PEAK1: variants seen among roughly 807,000 people sequenced by gnomAD.
PEAK1 encodes the protein inactive tyrosine-protein kinase PEAK1.
In PEAK1, 54 loss-of-function variants were observed where a neutral mutation model predicts 124.7. That is an observed-to-expected ratio of 0.43 (90% confidence interval 0.35 to 0.54). The LOEUF (loss-of-function observed/expected upper bound fraction) is 0.54. Ranked by LOEUF, PEAK1 falls within the 20% of genes least tolerant of loss-of-function variation. The pLI, the probability that PEAK1 is intolerant of heterozygous loss-of-function variation, is 0.01. For synonymous variants in PEAK1, 719 were observed against 760.0 expected, an observed-to-expected ratio of 0.95 and a Z score of 0.89; for missense variants, 2,046 against 2,134.5, an observed-to-expected ratio of 0.96 and a Z score of 0.82.
rs149110217 is a variant in PEAK1 at position 77,251,160 on chromosome 15, T to C, written c.-115+1207A>G. ...GAAATCCAATGATTAAGAGTTATAA[T>C]TGTTCACTAGGATTTCAAGTAAAAA... On this transcript the variant is annotated intron_variant, in intron 6 of 9. Coordinates refer to ENST00000682557, the MANE Select transcript of PEAK1 (RefSeq NM_001385026.1). 5.1e-3 allele frequency among the ~76,000 whole-genome samples: 782 copies of C among 152,338 alleles called. 5 individuals are homozygous for C. The highest frequency in any genetic ancestry group is 0.018 in the African/African-American group (733 of 41,574).
chr15:77,317,609 AACAG>A (rs1230409139), intron 2 of PEAK1, among the ~76,000 whole-genome samples: 2 of 152,186 alleles, frequency 1.3e-5, no homozygotes, highest in African/African-American at 4.8e-5. Context: ...GCTGGTTAAA[AACAG>A]ACAGAAGAAT....
At chr15:77,169,895 G>A (rs1194950517) in intron 7 of PEAK1, among the ~76,000 whole-genome samples, 1 of 152,144 alleles carries the variant, frequency 6.6e-6, no homozygotes, top group Non-Finnish European at 1.5e-5. Flanking sequence ...TGATGGAACA[G>A]ATTTGTAGGG....
chr15:77,165,469 C>A lies in PEAK1; in HGVS notation c.3138-6773G>T, dbSNP rs1475914568. 2.0e-5 allele frequency among the ~76,000 whole-genome samples: 3 copies of A among 152,140 alleles called. No individual in the cohort carries two copies. In the South Asian group the frequency reaches 6.2e-4, roughly 31 times the overall value. ...GCCTCAGCCACCCAAAGTACTTGGA[C>A]TACAGGAGTGAGCCACTGCGCCCGA... On this transcript the variant is annotated intron_variant, in intron 7 of 9. Coordinates refer to ENST00000682557, the MANE Select transcript of PEAK1 (RefSeq NM_001385026.1).
intron 6 of PEAK1, among the ~76,000 whole-genome samples, chr15:77,231,742 A>G (rs529456591): frequency 1.3e-5 from 2 of 152,304 alleles, no homozygotes; most frequent in South Asian, 4.1e-4. Context: ...TAACATATGG[A>G]GGTAGAATGC....
At chr15:77,350,262 C>T (rs983396579) in intron 2 of PEAK1, 1 of 985,262 alleles carries the variant, frequency 1.0e-6, no homozygotes, top group African/African-American at 1.7e-5. Flanking sequence ...ACCACTCACA[C>T]TAATTTCATA....
chr15:77,180,253 A>G lies in PEAK1; in HGVS notation c.1674T>C (p.Asn558=), dbSNP rs1596491823. The change falls in exon 7 of 10, where the codon AAT becomes AAC. Residue 558 remains asparagine (N), a synonymous_variant. Coordinates refer to ENST00000682557, the MANE Select transcript of PEAK1 (RefSeq NM_001385026.1). ...VELITSGTGP[N]VPPRKNCHKS... ...TGTGACAGTTTTTCCTTGGAGGAAC[A>G]TTTGGTCCAGTTCCACTAGTAATTA... 16 of 1,614,180 alleles carry G rather than the reference A, an allele frequency of 9.9e-6. No homozygotes were observed. In the East Asian group the frequency reaches 3.6e-4, roughly 36 times the overall value.
intron 2 of PEAK1, among the ~76,000 whole-genome samples, chr15:77,313,726 G>GTGTATGTATA (rs1462211130): frequency 1.8e-5 from 2 of 108,568 alleles, no homozygotes; most frequent in African/African-American, 6.8e-5. Context: ...GTGTGTGTGT[G>GTGTATGTATA]TATATATATA....
Position 77,114,627 on chromosome 15 carries a change from A to G in PEAK1, c.4770T>C (p.Cys1590=). ...EIITATQYKK[C]DEFQTGILIY... is the part of the protein sequence containing the mutation. ...TGAGGATGCCTGTCTGGAACTCATC[A>G]CACTTTTTATACTGGGTAGCTGTTA... is the stretch of plus-strand genomic sequence containing the variant. Residue 1590 remains cysteine (C), a synonymous_variant, in exon 10 of 10, where the codon TGT becomes TGC. Transcript: ENST00000682557. 1 of 1,613,844 alleles carries G rather than the reference A, an allele frequency of 6.2e-7. No homozygotes were observed. Among genetic ancestry groups the G allele is most frequent in the Non-Finnish European group, 8.5e-7 (1 of 1,179,988 alleles).
chr15:77,328,154 AT>A (rs978128603), intron 2 of PEAK1, among the ~76,000 whole-genome samples: 2 of 152,156 alleles, frequency 1.3e-5, no homozygotes, highest in African/African-American at 4.8e-5. Context: ...GTACATAAAT[AT>A]TTTTAAAAGC....
At chr15:77,243,077 C>T (rs2152914400) in intron 6 of PEAK1, among the ~76,000 whole-genome samples, 1 of 152,292 alleles carries the variant, frequency 6.6e-6, no homozygotes, top group East Asian at 1.9e-4. Context: ...ATGAAAGTCA[C>T]AATGGGATTG....
At chr15:77,417,557 A>G (rs2072988532) in intron 1 of PEAK1, 1 of 985,278 alleles carries the variant, frequency 1.0e-6, no homozygotes, top group South Asian at 4.7e-5. Flanking sequence ...CACTGAAAAC[A>G]GGGATTTGCA....
intron 2 of PEAK1, among the ~76,000 whole-genome samples, chr15:77,293,353 CATG>C (rs1427366572): frequency 6.6e-5 from 10 of 152,222 alleles, no homozygotes; most frequent in Admixed American, 6.5e-4. Flanking sequence ...TATGTCCATT[CATG>C]ATTTGGCACC....
chr15:77,186,723 C>T (rs555994173), intron 6 of PEAK1, among the ~76,000 whole-genome samples: 6 of 152,118 alleles, frequency 3.9e-5, no homozygotes, highest in Non-Finnish European at 8.8e-5. Context: ...ACCTTAACCA[C>T]GAGGGCTTCA....
intron 2 of PEAK1, among the ~76,000 whole-genome samples, chr15:77,356,618 T>C (rs1374269448): frequency 1.3e-5 from 2 of 152,210 alleles, no homozygotes; most frequent in African/African-American, 4.8e-5. Context: ...GAAAATAAGA[T>C]TCTTATTCTT....
rs1472535724 is a variant in PEAK1, at chr15:77,333,143, T to C, written c.-603+32020A>G. The C allele has an allele frequency of 4.6e-6, 4 of 870,724 alleles. No individual in the cohort carries two copies. The African/African-American group carries it at 5.8e-5, about 13-fold the overall frequency. The allele number at this position is 870,724 out of a possible 1,614,324, so 53.9% of individuals were successfully genotyped here. ...ATAATTTTTTGTGCAACTAAAACACTTTATTTATTTATTTATTTATTTATA... is the reference window on the plus strand; with the variant it reads ...ATAATTTTTTGTGCAACTAAAACACCTTATTTATTTATTTATTTATTTATA... On this transcript the variant is annotated intron_variant, in intron 2 of 9. Transcript: ENST00000682557.
Position 77,292,490 on chromosome 15 carries a change from C to CA in PEAK1, c.-602-5987dup, listed in dbSNP as rs545840868. On this transcript the variant is annotated intron_variant, in intron 2 of 9. Coordinates refer to ENST00000682557, the MANE Select transcript of PEAK1 (RefSeq NM_001385026.1). The stretch of plus-strand genomic sequence containing the variant: ...CATTTGCTTAAAAAAGCAAAATTAC[C>CA]AAAAAAAAAAAGCACAGAAAATGTG... Among the ~76,000 whole-genome samples, 677 of 136,686 alleles carry CA rather than the reference C, an allele frequency of 5.0e-3. 4 individuals carry two copies. Among genetic ancestry groups the CA allele is most frequent in the African/African-American group, 0.012 (463 of 37,362 alleles). The allele number at this position is 136,686 out of a possible 152,430, so 89.7% of individuals were successfully genotyped here. A position where few individuals can be genotyped will look rare whatever the true frequency, so the allele number is the denominator to read the frequency against.
intron 7 of PEAK1, among the ~76,000 whole-genome samples, chr15:77,164,016 CAA>C (rs2055887537): frequency 6.6e-6 from 1 of 152,060 alleles, no homozygotes; most frequent in Non-Finnish European, 1.5e-5. Context: ...AAGGAGAGTT[CAA>C]AGTTATCAAA....
At position 77,346,111 on chromosome 15, in the gene PEAK1, C is replaced by A. The variant is rs2066859807; in HGVS notation, c.-603+19052G>T. ...CTATGCCATAAACCAAAGTTCCAACCAAGAGTCAAAGCTATATTTTATAGA... is the reference window on the plus strand; with the variant it reads ...CTATGCCATAAACCAAAGTTCCAACAAAGAGTCAAAGCTATATTTTATAGA... On this transcript the variant is annotated intron_variant, in intron 2 of 9. Transcript: ENST00000682557. The A allele has an allele frequency of 1.4e-5, 14 of 985,220 alleles. 1 individual carries two copies. The South Asian group carries it at 6.6e-4, about 46-fold the overall frequency. The allele number at this position is 985,220 out of a possible 1,614,324, so 61.0% of individuals were successfully genotyped here. A position where few individuals can be genotyped will look rare whatever the true frequency, so the allele number is the denominator to read the frequency against.
At chr15:77,166,904 G>T (rs1396236087) in intron 7 of PEAK1, among the ~76,000 whole-genome samples, 1 of 152,080 alleles carries the variant, frequency 6.6e-6, no homozygotes, top group Non-Finnish European at 1.5e-5. Flanking sequence ...TATGCCAATG[G>T]CTACCAAACT....
Sources: allele counts gnomAD v4.1 joint callset (sites outside exome capture counted in the v4.1 genomes callset), GRCh38; gene constraint gnomAD v4.1.1; transcripts MANE v1.5; gene names NCBI Gene and HGNC (gene_info 2026-07-23, HGNC 2026-07-21).